The following FOXJ2 variants were observed in gnomAD, a reference collection of about 807,000 sequenced individuals.
The protein encoded by FOXJ2 is forkhead box protein J2.
Under a neutral mutation model 68.4 loss-of-function variants are expected in FOXJ2, and 18 were observed. The observed-to-expected ratio is 0.26, with a 90% CI of 0.18 to 0.39. The LOEUF is 0.39. FOXJ2 is among the 10% of genes least tolerant of loss of function. The pLI is 1.00. For missense variants in FOXJ2, 670 were observed against 726.5 expected, an observed-to-expected ratio of 0.92 and a Z score of 0.89; for synonymous variants, 274 against 263.2, an observed-to-expected ratio of 1.04 and a Z score of -0.40.
rs751419461 is a variant in FOXJ2, at chr12:8,053,674, G to C, written c.*824G>C. ...AAACTCTGCTTCTATGGTAGGGCATGAGGACAACTATTCAGCATGGTTTTA... is the reference window on the plus strand; with the variant it reads ...AAACTCTGCTTCTATGGTAGGGCATCAGGACAACTATTCAGCATGGTTTTA... On this transcript the variant is annotated 3_prime_UTR_variant, in exon 11 of 11. Transcript: ENST00000162391. This position sits in a 1 kb window ranked among gnomAD's most constrained non-coding sequence, Gnocchi z 4.1. 2.0e-5 allele frequency: 3 copies of C among 152,358 alleles called. No homozygotes were observed. The East Asian group carries it at 5.8e-4, about 29-fold the overall frequency. The allele number at this position is 152,358 out of a possible 1,614,324, so 9.4% of individuals were successfully genotyped here.
At position 8,032,830 on chromosome 12, in the gene FOXJ2, C is replaced by A; in HGVS notation, c.-1018C>A. 1 of 398,162 alleles carries A rather than the reference C, an allele frequency of 2.5e-6. No individual in the cohort carries two copies. The highest frequency in any genetic ancestry group is 4.4e-6 in the Non-Finnish European group (1 of 225,794). The allele number at this position is 398,162 out of a possible 1,614,324, so 24.7% of individuals were successfully genotyped here. A position where few individuals can be genotyped will look rare whatever the true frequency, so the allele number is the denominator to read the frequency against. On this transcript the variant is annotated 5_prime_UTR_variant, in exon 1 of 11. Transcript: ENST00000162391. The surrounding 1 kb of genome is among the most constrained non-coding windows in gnomAD (Gnocchi z 4.8). ...GCCCGAGCGGTGGCAGCGCGGGGAG[C>A]CCCACGCGCCGAAGGGAGCGGACCC...
In FOXJ2 at chr12:8,035,646, C is replaced by G. The variant is rs1946885980; in HGVS notation, c.-15+1813C>G. ...CTCAGGGTGAACTATATCACAACAT[C>G]TCCAAGTACACCACCGCCACGCAGT... On this transcript the variant is annotated intron_variant, in intron 1 of 10. Coordinates refer to ENST00000162391, the MANE Select transcript of FOXJ2 (RefSeq NM_018416.3). The surrounding 1 kb of genome is among the most constrained non-coding windows in gnomAD (Gnocchi z 4.0). Among the ~76,000 whole-genome samples, 1 of 152,176 alleles carries G rather than the reference C, an allele frequency of 6.6e-6. No homozygotes were observed. The highest frequency in any genetic ancestry group is 1.5e-5 in the Non-Finnish European group (1 of 68,036).
chr12:8,052,875 C>T lies in FOXJ2; in HGVS notation c.*25C>T. 1 of 1,576,570 alleles carries T rather than the reference C, an allele frequency of 6.3e-7. No individual in the cohort carries two copies. Among genetic ancestry groups the T allele is most frequent in the Non-Finnish European group, 8.7e-7 (1 of 1,154,636 alleles). On this transcript the variant is annotated 3_prime_UTR_variant, in exon 11 of 11. Transcript: ENST00000162391. The stretch of plus-strand genomic sequence containing the variant: ...GTGCATCACAGAGTGTGGACATCAG[C>T]CCAGGGCCGCGTGGTGAAATCTGGC...
In FOXJ2 at chr12:8,048,708, G is replaced by T; in HGVS notation, c.1237G>T (p.Asp413Tyr). The T allele has an allele frequency of 6.2e-7, 1 of 1,614,006 alleles. No homozygotes were observed. Among genetic ancestry groups the T allele is most frequent in the South Asian group, 1.1e-5 (1 of 91,046 alleles). The stretch of plus-strand genomic sequence containing the variant: ...CCTCCTCTTTACAGCCTTTCCTTCT[G>T]ACTGGTGCTCTAATATTGACTCTTT... ...INNTGFAFPS[D>Y]WCSNIDSLKE... The change falls in exon 8 of 11, where the codon GAC (aspartate) becomes TAC (tyrosine). Residue 413 changes from aspartate (D) to tyrosine (Y), a missense_variant. By Grantham distance (160) the Asp-to-Tyr change is radical. Coordinates refer to ENST00000162391, the MANE Select transcript of FOXJ2 (RefSeq NM_018416.3).
In FOXJ2 at chr12:8,054,211, G is replaced by A. The variant is rs1372138475; in HGVS notation, c.*1361G>A. The A allele has an allele frequency of 6.6e-6, 1 of 152,224 alleles. No homozygotes were observed. Among genetic ancestry groups the A allele is most frequent in the Non-Finnish European group, 1.5e-5 (1 of 68,054 alleles). 9.4% of individuals were successfully genotyped at this position (152,224 alleles called of 1,614,324 possible). On this transcript the variant is annotated 3_prime_UTR_variant, in exon 11 of 11. Transcript: ENST00000162391. ...CAAGAGTTCAGTGAGGGCCAAGGGG[G>A]ACCCCCAGAAAAAGGTATGGAGCTA...
At position 8,044,235 on chromosome 12, in the gene FOXJ2, TAGAG is replaced by T. The variant is rs375890905; in HGVS notation, c.618+154_618+157del. 3.0e-4 allele frequency: 316 copies of T among 1,042,090 alleles called. 1 individual carries two copies. The East Asian group carries it at 3.3e-3, about 11-fold the overall frequency. The allele number at this position is 1,042,090 out of a possible 1,614,324, so 64.6% of individuals were successfully genotyped here. A position where few individuals can be genotyped will look rare whatever the true frequency, so the allele number is the denominator to read the frequency against. On this transcript the variant is annotated intron_variant, in intron 5 of 10. Transcript: ENST00000162391. ...GGAAGGGGAAGGCAAAAGAGGGAAATAGAGAGAGAGAGAAATAGAAAGGCATAGC... is the reference window on the plus strand; with the variant it reads ...GGAAGGGGAAGGCAAAAGAGGGAAATAGAGAGAGAAATAGAAAGGCATAGC...
rs1364206280 is a variant in FOXJ2, at chr12:8,035,521, C to A, written c.-15+1688C>A. Among the ~76,000 whole-genome samples, 3 of 152,220 alleles carry A rather than the reference C, an allele frequency of 2.0e-5. No individual in the cohort carries two copies. The highest frequency in any genetic ancestry group is 4.4e-5 in the Non-Finnish European group (3 of 68,044). ...GGATCCTTGACTCCTAACTCCAGAA[C>A]TCCTTCCCCTACCTTTTACAAAAGA... On this transcript the variant is annotated intron_variant, in intron 1 of 10. Transcript: ENST00000162391. This position sits in a 1 kb window ranked among gnomAD's most constrained non-coding sequence, Gnocchi z 4.0.
Position 8,044,299 on chromosome 12 carries a change from G to A in FOXJ2, c.618+208G>A, listed in dbSNP as rs564309929. Among the ~76,000 whole-genome samples the A allele has an allele frequency of 4.6e-5, 7 of 152,330 alleles. No individual in the cohort carries two copies. In the South Asian group the frequency reaches 1.0e-3, roughly 23 times the overall value. ...AGAAACATCAGGAAAAAAAAGCTGGGCACAGTGGCTCATGCCTGTAATGTC... is the reference window on the plus strand; with the variant it reads ...AGAAACATCAGGAAAAAAAAGCTGGACACAGTGGCTCATGCCTGTAATGTC... On this transcript the variant is annotated intron_variant, in intron 5 of 10. Coordinates refer to ENST00000162391, the MANE Select transcript of FOXJ2 (RefSeq NM_018416.3).
intron 10 of FOXJ2, among the ~76,000 whole-genome samples, chr12:8,051,954 C>T (rs1034024485): frequency 2.0e-5 from 3 of 151,176 alleles, no homozygotes; most frequent in Middle Eastern, 3.5e-3. Flanking sequence ...CTGCAACCTC[C>T]GCCTCCCAGG....
rs1946859484 is a variant in FOXJ2, at chr12:8,033,346, C to T, written c.-502C>T. 1 of 154,394 alleles carries T rather than the reference C, an allele frequency of 6.5e-6. No homozygotes were observed. The highest frequency in any genetic ancestry group is 1.4e-5 in the Non-Finnish European group (1 of 69,422). The allele number at this position is 154,394 out of a possible 1,614,324, so 9.6% of individuals were successfully genotyped here. A position where few individuals can be genotyped will look rare whatever the true frequency, so the allele number is the denominator to read the frequency against. ...GACAGGAGTCCTTACGTTCAGAAGC[C>T]ACTCCAGGGAAAGAAGAGGAATCGG... On this transcript the variant is annotated 5_prime_UTR_variant, in exon 1 of 11. Coordinates refer to ENST00000162391, the MANE Select transcript of FOXJ2 (RefSeq NM_018416.3).
Position 8,048,071 on chromosome 12 carries a change from T to C in FOXJ2, c.1007T>C (p.Leu336Pro). 1 of 1,612,206 alleles carries C rather than the reference T, an allele frequency of 6.2e-7. No homozygotes were observed. The highest frequency in any genetic ancestry group is 8.5e-7 in the Non-Finnish European group (1 of 1,178,798). ...GPSAVGGAPPLHTPSTDGCTP... is the reference protein window; with the variant it reads ...GPSAVGGAPPPHTPSTDGCTP... ...TCAGCTGTAGGGGGTGCTCCTCCAC[T>C]GCACACCCCAAGCACAGATGGTTGT... Residue 336 changes from leucine to proline, a missense_variant, in exon 7 of 11, where the codon CTG becomes CCG. Around this residue, in one of 2 missense-constraint regions of FOXJ2, gnomAD observed 555 missense variants for 562.2 expected, o/e 0.99. Transcript: ENST00000162391.
At chr12:8,049,695 C>A in intron 9 of FOXJ2, 124 bp downstream of exon 9, 1 of 825,408 alleles carries the variant, frequency 1.2e-6, no homozygotes, top group East Asian at 2.8e-5. Flanking sequence ...AGCAGTGGAA[C>A]TAGTTTATCA....
chr12:8,052,454 G>T (rs770481268), intron 10 of FOXJ2, among the ~76,000 whole-genome samples: 1 of 152,134 alleles, frequency 6.6e-6, no homozygotes, highest in East Asian at 1.9e-4. Flanking sequence ...TCCTGACCTC[G>T]TGATCCGCCT....
intron 10 of FOXJ2, among the ~76,000 whole-genome samples, chr12:8,051,791 T>C (rs921979972): frequency 3.3e-5 from 5 of 152,196 alleles, no homozygotes; most frequent in Non-Finnish European, 7.3e-5. Context: ...GGGGGTGACA[T>C]CTGACTCTCT....
At chr12:8,043,177 A>G (rs1946986979) in intron 3 of FOXJ2, among the ~76,000 whole-genome samples, 1 of 133,762 alleles carries the variant, frequency 7.5e-6, no homozygotes, top group Non-Finnish European at 1.5e-5. Context: ...AGATTGTGCC[A>G]TTGCACTCCA....
chr12:8,043,622 C>A, intron 3 of FOXJ2, 79 bp from the exon 4 acceptor site: 2 of 1,433,104 alleles, frequency 1.4e-6, no homozygotes, highest in Non-Finnish European at 2.0e-6. Context: ...GACAAATTTG[C>A]TCTTCATTAA....
Position 8,054,983 on chromosome 12 carries a change from T to G in FOXJ2, c.*2133T>G, listed in dbSNP as rs1947169255. On this transcript the variant is annotated 3_prime_UTR_variant, in exon 11 of 11. Transcript: ENST00000162391. ...CATCTGTGTCTTCTGCAAACTAGTC[T>G]CATGAAGAATTCTGGCGTGCAGCCA... 6.6e-6 allele frequency: 1 copy of G among 152,216 alleles called. No individual in the cohort carries two copies. Among genetic ancestry groups the G allele is most frequent in the South Asian group, 2.1e-4 (1 of 4,836 alleles). The allele number at this position is 152,216 out of a possible 1,614,324, so 9.4% of individuals were successfully genotyped here.
Position 8,040,057 on chromosome 12 carries a change from C to A in FOXJ2, c.225C>A (p.Ile75=). The A allele has an allele frequency of 6.2e-7, 1 of 1,614,180 alleles. No homozygotes were observed. The highest frequency in any genetic ancestry group is 1.7e-5 in the Admixed American group (1 of 60,016). ...CACGATACAGCTATGCCACTCTCAT[C>A]ACCTATGCCATCAACTCCTCTCCAG... is the stretch of plus-strand genomic sequence containing the variant. ...GKPRYSYATL[I]TYAINSSPAK... The change falls in exon 2 of 11, where the codon ATC becomes ATA. Residue 75 remains isoleucine, a synonymous_variant. Coordinates refer to ENST00000162391, the MANE Select transcript of FOXJ2 (RefSeq NM_018416.3). The surrounding 1 kb of genome is among the most constrained non-coding windows in gnomAD (Gnocchi z 4.0).
chr12:8,034,564 G>A (rs1034983290), intron 1 of FOXJ2, among the ~76,000 whole-genome samples: 2 of 152,146 alleles, frequency 1.3e-5, no homozygotes, highest in African/African-American at 2.4e-5. Context: ...CACTGCCCCA[G>A]TCCCCTTCTC....
Sources: gnomAD v4.1 joint callset for allele counts (sites outside exome capture counted in the v4.1 genomes callset) on GRCh38, gnomAD v4.1.1 for gene constraint, gnomAD v4.1.1 regional missense constraint, Gnocchi (gnomAD v3.1) non-coding constraint, MANE v1.5 for transcripts, NCBI Gene and HGNC (gene_info 2026-07-23, HGNC 2026-07-21) for gene names.